GEN1: variants seen among roughly 807,000 people sequenced by gnomAD.
GEN1 encodes GEN1 structure-specific endonuclease.
In GEN1, 64 loss-of-function variants were observed where a neutral mutation model predicts 67.6. The observed-to-expected ratio is 0.95, with a 90% CI of 0.77 to 1.17. GEN1 has a LOEUF of 1.17. Ranked by LOEUF, GEN1 falls within the 50% of genes most tolerant of loss-of-function variation. GEN1 has a pLI of 0.00. For missense variants in GEN1, 1,058 were observed against 1,048.3 expected (o/e 1.01, Z -0.13); for synonymous variants, 371 against 359.4 (o/e 1.03, Z -0.37).
At chr2:17,778,144 A>ATATATACACACACATAGATATGTG in intron 12 of GEN1, 81 bp downstream of exon 12, 1 of 582,638 alleles carries the variant, frequency 1.7e-6, no homozygotes, top group Non-Finnish European at 3.1e-6. Context: ...ATGTGTATAT[A>ATATATACACACACATAGATATGTG]TATATATATA....
At chr2:17,771,123 CTG>C (rs2125142547) in intron 6 of GEN1, 71 bp from the exon 7 acceptor site, 1 of 864,362 alleles carries the variant, frequency 1.2e-6, no homozygotes, top group African/African-American at 1.7e-5. Context: ...ATAGATCAGC[CTG>C]ATATTTGAGA....
At chr2:17,771,803 C>G (rs2125144580) in intron 7 of GEN1, among the ~76,000 whole-genome samples, 1 of 146,346 alleles carries the variant, frequency 6.8e-6, no homozygotes, top group South Asian at 2.2e-4. Context: ...AAAAAAAAGA[C>G]ACTACGGAAC....
rs1673074206 is a variant in GEN1 at position 17,786,783 on chromosome 2, TTGA to T, written c.*4848_*4850del. The T allele has an allele frequency of 6.6e-6, 1 of 152,134 alleles. No homozygotes were observed. The highest frequency in any genetic ancestry group is 2.4e-5 in the African/African-American group (1 of 41,422). The allele number at this position is 152,134 out of a possible 1,614,324, so 9.4% of individuals were successfully genotyped here. Reference sequence around the variant, plus strand: ...TTGTTTCCCAAACTAGAATGCAGACTTGATGAGGGCAGGGACTAAGTCCTTTCT... The same window carrying T: ...TTGTTTCCCAAACTAGAATGCAGACTTGAGGGCAGGGACTAAGTCCTTTCT... On this transcript the variant is annotated 3_prime_UTR_variant, in exon 14 of 14. Coordinates refer to ENST00000381254, the MANE Select transcript of GEN1 (RefSeq NM_001130009.3).
intron 4 of GEN1, among the ~76,000 whole-genome samples, chr2:17,766,276 T>C (rs1671927369): frequency 6.6e-6 from 1 of 152,234 alleles, no homozygotes; most frequent in Non-Finnish European, 1.5e-5. Flanking sequence ...CAAGTAATTC[T>C]TGTGCCTCAG....
At chr2:17,778,164 ATAGATATG>A in intron 12 of GEN1, 101 bp downstream of exon 12, 2 of 506,208 alleles carry the variant, frequency 4.0e-6, no homozygotes, top group Non-Finnish European at 7.2e-6. Context: ...ACACACACAC[ATAGATATG>A]TGTATATATA....
At chr2:17,776,150 TG>T (rs1337001667) in intron 11 of GEN1, among the ~76,000 whole-genome samples, 1 of 150,576 alleles carries the variant, frequency 6.6e-6, no homozygotes, top group Non-Finnish European at 1.5e-5. Context: ...AAGTTTAATC[TG>T]TATCTAATCA....
At chr2:17,757,141 T>C (rs1285035813) in intron 1 of GEN1, among the ~76,000 whole-genome samples, 1 of 152,044 alleles carries the variant, frequency 6.6e-6, no homozygotes, top group Non-Finnish European at 1.5e-5. Context: ...TAATAAAAAC[T>C]AAATTCTAAC....
chr2:17,759,915 G>A lies in GEN1; in HGVS notation c.-15-14G>A. 6.2e-7 allele frequency: 1 copy of A among 1,609,774 alleles called. No individual in the cohort carries two copies. The highest frequency in any genetic ancestry group is 8.5e-7 in the Non-Finnish European group (1 of 1,177,056). On this transcript the variant is annotated splice_polypyrimidine_tract_variant and intron_variant, in intron 1 of 13. Coordinates refer to ENST00000381254, the MANE Select transcript of GEN1 (RefSeq NM_001130009.3). ...TCTTTAACAATATTTTGTAAAGTGTGTTTCACATAACAGCAGATAATCACC... is the reference window on the plus strand; with the variant it reads ...TCTTTAACAATATTTTGTAAAGTGTATTTCACATAACAGCAGATAATCACC...
chr2:17,776,333 C>T (rs1309350401), intron 11 of GEN1, among the ~76,000 whole-genome samples: 3 of 151,904 alleles, frequency 2.0e-5, no homozygotes, highest in Non-Finnish European at 2.9e-5. Flanking sequence ...TCATAAAGGA[C>T]CTTTTTTTTA....
At position 17,786,529 on chromosome 2, in the gene GEN1, A is replaced by T. The variant is rs1673065137; in HGVS notation, c.*4590A>T. ...GCAAGGTTCTTAGGCTTTTCTATGT[A>T]CAACAGCCAGCTGGAGGCCCAGTGA... On this transcript the variant is annotated 3_prime_UTR_variant, in exon 14 of 14. Coordinates refer to ENST00000381254, the MANE Select transcript of GEN1 (RefSeq NM_001130009.3). 6.6e-6 allele frequency: 1 copy of T among 152,192 alleles called. No homozygotes were observed. The highest frequency in any genetic ancestry group is 2.4e-5 in the African/African-American group (1 of 41,454). 9.4% of individuals were successfully genotyped at this position (152,192 alleles called of 1,614,324 possible).
At chr2:17,755,917 A>G (rs1431833598) in intron 1 of GEN1, among the ~76,000 whole-genome samples, 1 of 152,224 alleles carries the variant, frequency 6.6e-6, no homozygotes, top group African/African-American at 2.4e-5. Context: ...TATGGGCACC[A>G]TATGGTTACA....
chr2:17,765,948 A>AATATATAT (rs10607623), intron 4 of GEN1, among the ~76,000 whole-genome samples: 8 of 148,968 alleles, frequency 5.4e-5, no homozygotes, highest in Non-Finnish European at 1.0e-4. Context: ...TACTTTCTAT[A>AATATATAT]ATATATATAT....
chr2:17,773,539 C>T (rs1057502415), intron 10 of GEN1, among the ~76,000 whole-genome samples: 1 of 152,022 alleles, frequency 6.6e-6, no homozygotes, highest in Non-Finnish European at 1.5e-5. Flanking sequence ...GGATATATTG[C>T]ATCCATGGAT....
chr2:17,762,455 C>T (rs1365035091), intron 3 of GEN1, among the ~76,000 whole-genome samples: 1 of 152,038 alleles, frequency 6.6e-6, no homozygotes, highest in Non-Finnish European at 1.5e-5. Flanking sequence ...GATCCGCCTG[C>T]CTCGGCCTCC....
rs1404974604 is a variant in GEN1 at position 17,754,237 on chromosome 2, T to C, written c.-124T>C. On this transcript the variant is annotated 5_prime_UTR_variant, in exon 1 of 14. Transcript: ENST00000381254. ...AGAAAGAGGACTTTCCTTTTTTTTT[T>C]TCCTTTTGAGAAAATTCAGAAATTT... 7 of 152,140 alleles carry C rather than the reference T, an allele frequency of 4.6e-5. No individual in the cohort carries two copies. The highest frequency in any genetic ancestry group is 1.0e-4 in the Non-Finnish European group (7 of 68,072). The allele number at this position is 152,140 out of a possible 1,614,324, so 9.4% of individuals were successfully genotyped here. A position where few individuals can be genotyped will look rare whatever the true frequency, so the allele number is the denominator to read the frequency against.
chr2:17,782,789 C>T lies in GEN1; in HGVS notation c.*850C>T, dbSNP rs1303763696. ...AATTTTTTTATTTTTCTATTTTTTC[C>T]TTCTATAGCACTTTTCCCCCTTTTG... On this transcript the variant is annotated 3_prime_UTR_variant, in exon 14 of 14. Coordinates refer to ENST00000381254, the MANE Select transcript of GEN1 (RefSeq NM_001130009.3). 3 of 152,110 alleles carry T rather than the reference C, an allele frequency of 2.0e-5. No homozygotes were observed. Among genetic ancestry groups the T allele is most frequent in the East Asian group, 3.9e-4 (2 of 5,176 alleles). The allele number at this position is 152,110 out of a possible 1,614,324, so 9.4% of individuals were successfully genotyped here.
intron 12 of GEN1, among the ~76,000 whole-genome samples, chr2:17,779,119 C>T (rs967276362): frequency 3.9e-5 from 6 of 152,050 alleles, no homozygotes; most frequent in African/African-American, 9.7e-5. Context: ...GATGGAGTTT[C>T]GTTATTTTGG....
chr2:17,771,847 A>G (rs966242799), intron 7 of GEN1, among the ~76,000 whole-genome samples: 2 of 151,692 alleles, frequency 1.3e-5, no homozygotes, highest in African/African-American at 4.8e-5. Flanking sequence ...TCATTCCCAA[A>G]AGAGATTAGG....
intron 10 of GEN1, 141 bp from the exon 11 acceptor site, chr2:17,774,130 G>A (rs1434675384): frequency 1.0e-5 from 4 of 385,426 alleles, no homozygotes; most frequent in African/African-American, 8.4e-5. Context: ...TTCCTTAGGA[G>A]GCTCATTGTT....
Sources: gnomAD v4.1 joint callset for allele counts (sites outside exome capture counted in the v4.1 genomes callset) on GRCh38, gnomAD v4.1.1 for gene constraint, MANE v1.5 for transcripts, NCBI Gene and HGNC (gene_info 2026-07-23, HGNC 2026-07-21) for gene names.